Variants in MGAT4C observed in about 807,000 individuals in gnomAD.
MGAT4C encodes alpha-1,3-mannosyl-glycoprotein 4-beta-N-acetylglucosaminyltransferase C.
A neutral mutation model predicts 40.1 loss-of-function variants in MGAT4C; 19 were observed. The observed-to-expected ratio is 0.47, with a 90% CI of 0.33 to 0.70. The LOEUF (loss-of-function observed/expected upper bound fraction) is 0.70. MGAT4C is among the 30% of genes least tolerant of loss of function. The pLI, the probability that MGAT4C is intolerant of heterozygous loss-of-function variation, is 0.02. For synonymous variants in MGAT4C, 181 were observed against 187.1 expected, an observed-to-expected ratio of 0.97 and a Z score of 0.27; for missense variants, 491 against 563.2, an observed-to-expected ratio of 0.87 and a Z score of 1.30.
intron 2 of MGAT4C, among the ~76,000 whole-genome samples, chr12:86,004,944 A>G (rs1347403320): frequency 6.6e-6 from 1 of 152,220 alleles, no homozygotes; most frequent in East Asian, 1.9e-4. Context: ...GACTGAATTA[A>G]GAAGGGGACA....
intron 1 of MGAT4C, among the ~76,000 whole-genome samples, chr12:86,192,737 T>C (rs1391914259): frequency 6.6e-6 from 1 of 152,228 alleles, no homozygotes; most frequent in Non-Finnish European, 1.5e-5. Flanking sequence ...TACATCCTTA[T>C]GGTTTTTTGT....
At chr12:86,097,178 A>G (rs1027118357) in intron 1 of MGAT4C, among the ~76,000 whole-genome samples, 4 of 151,664 alleles carry the variant, frequency 2.6e-5, no homozygotes, top group Admixed American at 6.6e-5. Flanking sequence ...TTGTCACTAA[A>G]TAAGTCCTGA....
chr12:86,831,732 G>T (rs912688257), intron 1 of MGAT4C, among the ~76,000 whole-genome samples: 2 of 151,764 alleles, frequency 1.3e-5, no homozygotes, highest in Non-Finnish European at 1.5e-5. Context: ...CCTAATAAAA[G>T]AATTTTCTAA....
chr12:86,408,604 C>T (rs1000639845), intron 3 of MGAT4C, among the ~76,000 whole-genome samples: 1 of 148,824 alleles, frequency 6.7e-6, no homozygotes, highest in African/African-American at 2.5e-5. Context: ...TTTCCCATAC[C>T]TAGAGTCTCT....
intron 1 of MGAT4C, among the ~76,000 whole-genome samples, chr12:86,124,627 T>C (rs903060721): frequency 6.6e-6 from 1 of 151,932 alleles, no homozygotes; most frequent in Non-Finnish European, 1.5e-5. Context: ...ACTATAATCA[T>C]CAGTCTTAGA....
chr12:86,196,664 A>G (rs1455076728), intron 1 of MGAT4C, among the ~76,000 whole-genome samples: 3 of 152,078 alleles, frequency 2.0e-5, no homozygotes, highest in Admixed American at 6.6e-5. Context: ...ATTACATCCA[A>G]TTCTCTCTGT....
At chr12:86,295,325 G>A (rs1953636500) in intron 4 of MGAT4C, among the ~76,000 whole-genome samples, 1 of 152,134 alleles carries the variant, frequency 6.6e-6, no homozygotes, top group Non-Finnish European at 1.5e-5. Flanking sequence ...GCCTGGAATT[G>A]GTGGTTTGTT....
intron 2 of MGAT4C, among the ~76,000 whole-genome samples, chr12:86,647,617 T>C (rs1004781235): frequency 2.0e-5 from 3 of 151,914 alleles, no homozygotes; most frequent in African/African-American, 7.2e-5. Flanking sequence ...AATACACTAA[T>C]TGTCTTTACT....
intron 1 of MGAT4C, among the ~76,000 whole-genome samples, chr12:86,770,085 T>C (rs1951603748): frequency 6.6e-6 from 1 of 152,144 alleles, no homozygotes; most frequent in Non-Finnish European, 1.5e-5. Context: ...TAGATTAGTA[T>C]ATGATGTTAA....
intron 2 of MGAT4C, among the ~76,000 whole-genome samples, chr12:86,548,734 C>A (rs886364786): frequency 3.9e-5 from 6 of 152,088 alleles, no homozygotes; most frequent in African/African-American, 1.4e-4. Flanking sequence ...TGATTACTAG[C>A]TGGGCCATAG....
intron 2 of MGAT4C, among the ~76,000 whole-genome samples, chr12:86,481,638 C>T (rs761499385): frequency 1.3e-5 from 2 of 151,960 alleles, no homozygotes; most frequent in Non-Finnish European, 2.9e-5. Context: ...CACACACATG[C>T]AGACACGCAC....
At chr12:86,092,360 T>C (rs1462490850) in intron 1 of MGAT4C, among the ~76,000 whole-genome samples, 1 of 152,134 alleles carries the variant, frequency 6.6e-6, no homozygotes, top group Non-Finnish European at 1.5e-5. Flanking sequence ...GTTGTTCTAT[T>C]TATCCTAGTT....
At chr12:86,113,920 G>T (rs1376648796) in intron 1 of MGAT4C, among the ~76,000 whole-genome samples, 1 of 151,854 alleles carries the variant, frequency 6.6e-6, no homozygotes, top group African/African-American at 2.4e-5. Context: ...GTCTCATGAG[G>T]AAAGGAAAAA....
intron 2 of MGAT4C, among the ~76,000 whole-genome samples, chr12:86,540,807 T>G (rs1327554707): frequency 6.6e-6 from 1 of 152,196 alleles, no homozygotes; most frequent in Non-Finnish European, 1.5e-5. Flanking sequence ...GGAATTCATA[T>G]TTTTAAATTT....
At chr12:86,043,547 A>C (rs1002618777) in intron 2 of MGAT4C, among the ~76,000 whole-genome samples, 11 of 152,262 alleles carry the variant, frequency 7.2e-5, no homozygotes, top group Admixed American at 3.3e-4. Flanking sequence ...AGCTGATTAG[A>C]CTGTGCCCAC....
chr12:86,268,810 T>C (rs183151275), intron 4 of MGAT4C, among the ~76,000 whole-genome samples: 1 of 147,866 alleles, frequency 6.8e-6, no homozygotes, highest in Admixed American at 6.8e-5. Flanking sequence ...AGAAATATTA[T>C]TATTCTGAAA....
At chr12:86,822,680 G>T (rs576992099) in intron 1 of MGAT4C, among the ~76,000 whole-genome samples, 5 of 151,066 alleles carry the variant, frequency 3.3e-5, no homozygotes, top group Non-Finnish European at 4.5e-5. Context: ...TAGCACCTAA[G>T]TATGTTCAGC....
chr12:86,121,074 A>G (rs1308664888), intron 1 of MGAT4C, among the ~76,000 whole-genome samples: 1 of 152,218 alleles, frequency 6.6e-6, no homozygotes, highest in Non-Finnish European at 1.5e-5. Flanking sequence ...CCTGAAAACC[A>G]TGGCAAGAGA....
At position 86,532,045 on chromosome 12, in the gene MGAT4C, CAAGTT is replaced by C. The variant is rs201913113; in HGVS notation, c.-228-96785_-228-96781del. 7.4e-3 allele frequency among the ~76,000 whole-genome samples: 1,126 copies of C among 151,910 alleles called. 11 individuals are homozygous for C. Among genetic ancestry groups the C allele is most frequent in the African/African-American group, 0.026 (1,068 of 41,492 alleles). ...TCTATTTTAAAATAAGAATATCAGT[CAAGTT>C]ATCATAGTCATTTTTATAGATTCTT... On this transcript the variant is annotated intron_variant, in intron 2 of 7. Coordinates refer to the MGAT4C transcript ENST00000548651.
Sources: allele counts gnomAD v4.1 joint callset (sites outside exome capture counted in the v4.1 genomes callset), GRCh38; gene constraint gnomAD v4.1.1; transcripts MANE v1.5; gene names NCBI Gene and HGNC (gene_info 2026-07-23, HGNC 2026-07-21).